EPHB1: variants seen among roughly 807,000 people sequenced by gnomAD.
EPHB1 encodes the protein ephrin type-B receptor 1.
In EPHB1, 30 loss-of-function variants were observed where a neutral mutation model predicts 94.4. The ratio of observed to expected loss-of-function variants is 0.32; its 90% CI spans 0.24 to 0.43. The LOEUF is 0.43. Ranked by LOEUF, EPHB1 falls within the 20% of genes least tolerant of loss-of-function variation. The pLI, the probability that EPHB1 is intolerant of heterozygous loss-of-function variation, is 1.00. For missense variants in EPHB1, 1,055 were observed against 1,308.3 expected, an observed-to-expected ratio of 0.81 and a Z score of 2.99; for synonymous variants, 522 against 489.1, an observed-to-expected ratio of 1.07 and a Z score of -0.89.
rs1391144491 is a variant in EPHB1 at position 134,891,367 on chromosome 3, C to T, written c.59-34449C>T. Among the ~76,000 whole-genome samples, 5 of 152,186 alleles carry T rather than the reference C, an allele frequency of 3.3e-5. No individual in the cohort carries two copies. In the East Asian group the frequency reaches 9.6e-4, roughly 29 times the overall value. On this transcript the variant is annotated intron_variant, in intron 1 of 15. Transcript: ENST00000398015. ...TCAAGTGATCCACCTGCCTTGGCCT[C>T]CCAAAGTGCTGGGATTACAGGTGTG... is the stretch of plus-strand genomic sequence containing the variant.
chr3:134,834,369 T>C (rs533931749), intron 1 of EPHB1, among the ~76,000 whole-genome samples: 2 of 152,300 alleles, frequency 1.3e-5, no homozygotes, highest in South Asian at 2.1e-4. Flanking sequence ...TCCCCTCTAG[T>C]AGACCTCCAG....
intron 3 of EPHB1, among the ~76,000 whole-genome samples, chr3:135,056,124 T>C (rs1937340788): frequency 6.6e-6 from 1 of 152,254 alleles, no homozygotes; most frequent in Non-Finnish European, 1.5e-5. Flanking sequence ...GTTATTGTAC[T>C]GTCAGTTAGC....
intron 1 of EPHB1, among the ~76,000 whole-genome samples, chr3:134,906,844 C>A (rs556970713): frequency 1.1e-4 from 16 of 152,296 alleles, no homozygotes; most frequent in Admixed American, 1.0e-3. Context: ...AGGCTATCAC[C>A]CCAGAGGTCT....
chr3:134,810,507 A>G (rs1228823979), intron 1 of EPHB1, among the ~76,000 whole-genome samples: 1 of 152,196 alleles, frequency 6.6e-6, no homozygotes, highest in Non-Finnish European at 1.5e-5. Flanking sequence ...CTACAGGAGG[A>G]CTGACCTTTG....
intron 1 of EPHB1, among the ~76,000 whole-genome samples, chr3:134,856,556 A>G (rs747777066): frequency 5.9e-5 from 9 of 152,200 alleles, no homozygotes; most frequent in Non-Finnish European, 1.3e-4. Context: ...AGGCTGATGA[A>G]CAAGAAATCA....
At chr3:135,240,133 A>G (rs951981932) in intron 12 of EPHB1, among the ~76,000 whole-genome samples, 3 of 151,568 alleles carry the variant, frequency 2.0e-5, no homozygotes, top group African/African-American at 7.3e-5. Flanking sequence ...CCTTGTACCC[A>G]CTCTCATCTT....
rs540439453 is a variant in EPHB1 at position 135,087,619 on chromosome 3, G to A, written c.806-18829G>A. On this transcript the variant is annotated intron_variant, in intron 3 of 15. Transcript: ENST00000398015. ...ATGGGAAGTGGGCATAAGTGTAGTC[G>A]GCTCCTCTAGCAAATCTGGATTAGG... Among the ~76,000 whole-genome samples the A allele has an allele frequency of 3.3e-5, 5 of 152,056 alleles. No individual in the cohort carries two copies. In the South Asian group the frequency reaches 6.3e-4, roughly 19 times the overall value.
chr3:135,252,059 A>T (rs1933129574), intron 15 of EPHB1, among the ~76,000 whole-genome samples: 1 of 151,938 alleles, frequency 6.6e-6, no homozygotes, highest in African/African-American at 2.4e-5. Context: ...TGCCCATCTC[A>T]TTAGTGTTTG....
In EPHB1 at chr3:135,064,173, T is replaced by G. The variant is rs1010209230; in HGVS notation, c.806-42275T>G. On this transcript the variant is annotated intron_variant, in intron 3 of 15. Transcript: ENST00000398015. ...TAGTTTTCTTATTTGGTTATGTCCT[T>G]TCTTGGCTTTGGTATTAGGGTGATG... 3.3e-5 allele frequency among the ~76,000 whole-genome samples: 5 copies of G among 152,166 alleles called. No individual in the cohort carries two copies. The South Asian group carries it at 6.2e-4, about 19-fold the overall frequency.
chr3:135,216,595 C>A (rs191262924), intron 12 of EPHB1, among the ~76,000 whole-genome samples: 1 of 151,746 alleles, frequency 6.6e-6, no homozygotes, highest in African/African-American at 2.4e-5. Context: ...TACTGGCACT[C>A]GCCTGTAATC....
chr3:135,150,215 A>G (rs553539723), intron 5 of EPHB1, among the ~76,000 whole-genome samples: 1 of 152,298 alleles, frequency 6.6e-6, no homozygotes, highest in East Asian at 1.9e-4. Context: ...AGACAGAGGG[A>G]CTCTGAAGTC....
intron 10 of EPHB1, 111 bp downstream of exon 10, chr3:135,180,093 T>C: frequency 7.8e-7 from 1 of 1,279,222 alleles, no homozygotes; most frequent in Non-Finnish European, 1.1e-6. Flanking sequence ...GGAGAGCTTC[T>C]ATCTTCTTTC....
At chr3:135,126,208 C>A (rs533853471) in intron 4 of EPHB1, among the ~76,000 whole-genome samples, 1 of 152,264 alleles carries the variant, frequency 6.6e-6, no homozygotes, top group South Asian at 2.1e-4. Context: ...TATTGAACTT[C>A]ATATTGAAGT....
In EPHB1 at chr3:135,005,307, C is replaced by T. The variant is rs925156904; in HGVS notation, c.805+53255C>T. Among the ~76,000 whole-genome samples, 13 of 152,240 alleles carry T rather than the reference C, an allele frequency of 8.5e-5. No individual in the cohort carries two copies. In the South Asian group the frequency reaches 2.5e-3, roughly 29 times the overall value. On this transcript the variant is annotated intron_variant, in intron 3 of 15. Coordinates refer to ENST00000398015, the MANE Select transcript of EPHB1 (RefSeq NM_004441.5). Reference sequence around the variant, plus strand: ...TCAGGGACCCACTTGAGGAGGCAGTCTGCCCATTCTCAGATCTCTAGCTGC... The same window carrying T: ...TCAGGGACCCACTTGAGGAGGCAGTTTGCCCATTCTCAGATCTCTAGCTGC...
chr3:135,068,609 C>T (rs1339725302), intron 3 of EPHB1, among the ~76,000 whole-genome samples: 2 of 150,258 alleles, frequency 1.3e-5, no homozygotes, highest in African/African-American at 2.4e-5. Context: ...TGTATTTTCA[C>T]GTTATTGATA....
At chr3:135,092,927 T>A (rs1249810622) in intron 3 of EPHB1, among the ~76,000 whole-genome samples, 1 of 152,198 alleles carries the variant, frequency 6.6e-6, no homozygotes, top group Non-Finnish European at 1.5e-5. Context: ...AAACCTGGCC[T>A]GGAGTCCAAC....
At chr3:134,985,312 C>T (rs756026956) in intron 3 of EPHB1, among the ~76,000 whole-genome samples, 1 of 152,148 alleles carries the variant, frequency 6.6e-6, no homozygotes, top group Non-Finnish European at 1.5e-5. Flanking sequence ...GTGCGCACCA[C>T]CACACCCGGC....
intron 2 of EPHB1, among the ~76,000 whole-genome samples, chr3:134,930,124 G>C (rs2038876247): frequency 6.6e-6 from 1 of 152,210 alleles, no homozygotes; most frequent in Non-Finnish European, 1.5e-5. Flanking sequence ...CTGTGTGGCA[G>C]GCTTTCAGAC....
intron 1 of EPHB1, among the ~76,000 whole-genome samples, chr3:134,882,298 A>G (rs1260893351): frequency 6.6e-6 from 1 of 152,224 alleles, no homozygotes; most frequent in Non-Finnish European, 1.5e-5. Flanking sequence ...GAAATTAACA[A>G]CCAAAATGTG....
Sources: allele counts gnomAD v4.1 joint callset (sites outside exome capture counted in the v4.1 genomes callset), GRCh38; gene constraint gnomAD v4.1.1; transcripts MANE v1.5; gene names NCBI Gene and HGNC (gene_info 2026-07-23, HGNC 2026-07-21).